Variants in RNF8 observed in about 807,000 individuals in gnomAD.
RNF8 encodes the protein ring finger protein 8.
RNF8 carries 8 observed loss-of-function variants against 59.3 expected under a neutral mutation model. The observed-to-expected ratio is 0.13, with a 90% CI of 0.08 to 0.24. The LOEUF is 0.24. RNF8 is among the 10% of genes least tolerant of loss of function. The pLI is 1.00. For synonymous variants in RNF8, 162 were observed against 200.0 expected (o/e 0.81, Z 1.60); for missense variants, 406 against 572.6 (o/e 0.71, Z 2.97).
chr6:37,368,359 T>G (rs1283160699), intron 2 of RNF8, 125 bp from the exon 3 acceptor site: 1 of 1,604,252 alleles, frequency 6.2e-7, no homozygotes, highest in Non-Finnish European at 8.5e-7. Flanking sequence ...TGAATCTTTC[T>G]TTTCTATTTG....
intron 7 of RNF8, among the ~76,000 whole-genome samples, chr6:37,385,328 C>T (rs1770451118): frequency 6.7e-6 from 1 of 149,758 alleles, no homozygotes; most frequent in African/African-American, 2.4e-5. Context: ...GATTTTTTTA[C>T]TTTAAACAAT....
Position 37,369,032 on chromosome 6 carries a change from G to T in RNF8, c.789G>T (p.Met263Ile). The change falls in exon 3 of 8, where the codon ATG (methionine) becomes ATT (isoleucine). Residue 263 changes from methionine (M) to isoleucine (I), a missense_variant. By Grantham distance (10) the Met-to-Ile change is conservative (BLOSUM62 1). This residue lies in a region of RNF8 where 285 missense variants were observed against 342.0 expected (regional missense o/e 0.83). Transcript: ENST00000373479. ...GGATTCTGAGGCTCAAAATACAGAT[G>T]CAGGAAAAACATGAAGCCGTTATGA... The part of the protein sequence containing the change: ...MSRILRLKIQ[M>I]QEKHEAVMNV... 1 of 1,614,186 alleles carries T rather than the reference G, an allele frequency of 6.2e-7. No individual in the cohort carries two copies. Among genetic ancestry groups the T allele is most frequent in the Non-Finnish European group, 8.5e-7 (1 of 1,180,040 alleles).
At chr6:37,375,360 T>A (rs1769970461) in intron 5 of RNF8, among the ~76,000 whole-genome samples, 1 of 152,220 alleles carries the variant, frequency 6.6e-6, no homozygotes, top group South Asian at 2.1e-4. Flanking sequence ...TCCAAATGTT[T>A]AAGTGAAATA....
chr6:37,379,620 C>T (rs1219809260), intron 6 of RNF8, among the ~76,000 whole-genome samples: 1 of 152,226 alleles, frequency 6.6e-6, no homozygotes, highest in Non-Finnish European at 1.5e-5. Context: ...CTTCCTTTTG[C>T]TTTCTCTCTT....
chr6:37,380,742 G>C (rs1283155318), intron 6 of RNF8, among the ~76,000 whole-genome samples: 2 of 151,640 alleles, frequency 1.3e-5, no homozygotes, highest in African/African-American at 2.4e-5. Flanking sequence ...GAGTGCAGTG[G>C]TGTGATTTTG....
Position 37,360,491 on chromosome 6 carries a change from A to G in RNF8, c.157A>G (p.Lys53Glu), listed in dbSNP as rs777216740. 3.1e-6 allele frequency: 5 copies of G among 1,614,016 alleles called. No individual in the cohort carries two copies. Among genetic ancestry groups the G allele is most frequent in the Non-Finnish European group, 4.2e-6 (5 of 1,180,004 alleles). Residue 53 changes from lysine to glutamate, a missense_variant, in exon 2 of 8, where the codon AAA (lysine) becomes GAA (glutamate). By Grantham distance (56) the Lys-to-Glu change is moderately conservative. This residue lies in a region of RNF8 where 62 missense variants were observed against 112.2 expected (regional missense o/e 0.55). Transcript: ENST00000373479. This position sits in a 1 kb window ranked among gnomAD's most constrained non-coding sequence, Gnocchi z 4.2. ...TGGTGTCACATACCAACTGGTATCA[A>G]AAATCTGCCCCCTGATGATTTCTCG... ...GFGVTYQLVSKICPLMISRNH... is the reference protein window; with the variant it reads ...GFGVTYQLVSEICPLMISRNH...
At chr6:37,376,821 A>G (rs993503746) in intron 5 of RNF8, 105 bp from the exon 6 acceptor site, 28 of 699,544 alleles carry the variant, frequency 4.0e-5, no homozygotes, top group Middle Eastern at 2.4e-4. Flanking sequence ...AGAATGAATC[A>G]CTCATTAAGA....
rs1012065548 is a variant in RNF8 at position 37,391,018 on chromosome 6, C to G, written c.*260C>G. The G allele has an allele frequency of 3.4e-6, 2 of 581,114 alleles. No individual in the cohort carries two copies. The highest frequency in any genetic ancestry group is 1.9e-5 in the African/African-American group (1 of 52,960). The allele number at this position is 581,114 out of a possible 1,614,324, so 36.0% of individuals were successfully genotyped here. ...TCGTAGACTCTGCCTCACTACATGT[C>G]GAAAGAGTTATTTGAGTTCTCTTCT... On this transcript the variant is annotated 3_prime_UTR_variant, in exon 8 of 8. Coordinates refer to ENST00000373479, the MANE Select transcript of RNF8 (RefSeq NM_003958.4).
At chr6:37,389,134 T>C (rs974149811) in intron 7 of RNF8, among the ~76,000 whole-genome samples, 2 of 152,188 alleles carry the variant, frequency 1.3e-5, no homozygotes, top group Non-Finnish European at 2.9e-5. Context: ...CCTTGTAGTA[T>C]TTTCAGGGCA....
At chr6:37,382,547 A>C (rs757559835) in intron 7 of RNF8, among the ~76,000 whole-genome samples, 5 of 152,084 alleles carry the variant, frequency 3.3e-5, no homozygotes, top group Non-Finnish European at 7.4e-5. Context: ...CTGGGAATCC[A>C]GATTTGGCCA....
intron 1 of RNF8, among the ~76,000 whole-genome samples, chr6:37,354,748 G>C (rs970211565): frequency 2.1e-4 from 30 of 144,340 alleles, no homozygotes; most frequent in Admixed American, 1.8e-3. Context: ...GCCAGATCCC[G>C]TTTAGGGCGC....
chr6:37,390,719 A>G (rs758129193), intron 7 of RNF8, 23 bp from the exon 8 acceptor site: 21 of 1,580,358 alleles, frequency 1.3e-5, no homozygotes, highest in African/African-American at 1.2e-4. Context: ...TCATTTATTT[A>G]TTTCTCTTCT....
At chr6:37,386,523 G>A (rs1388614292) in intron 7 of RNF8, among the ~76,000 whole-genome samples, 6 of 152,206 alleles carry the variant, frequency 3.9e-5, no homozygotes, top group African/African-American at 1.4e-4. Context: ...GGAAGATTGA[G>A]TTTGAGGGAA....
intron 2 of RNF8, among the ~76,000 whole-genome samples, chr6:37,368,050 A>G (rs1391390313): frequency 6.6e-6 from 1 of 152,186 alleles, no homozygotes; most frequent in East Asian, 1.9e-4. Flanking sequence ...CCAGTGCGTT[A>G]AGGAACCACA....
At chr6:37,359,377 G>C (rs1200065165) in intron 1 of RNF8, 1 of 260,540 alleles carries the variant, frequency 3.8e-6, no homozygotes, top group African/African-American at 2.2e-5. Context: ...TGTTTACTAG[G>C]TTTTCCTGAA....
chr6:37,381,868 G>A (rs1221536156), intron 7 of RNF8, among the ~76,000 whole-genome samples: 3 of 152,228 alleles, frequency 2.0e-5, no homozygotes, highest in Admixed American at 6.5e-5. Flanking sequence ...AGCAGGACGT[G>A]TGTCTGAGCC....
intron 4 of RNF8, 74 bp from the exon 5 acceptor site, chr6:37,374,546 A>G: frequency 9.2e-7 from 1 of 1,086,978 alleles, no homozygotes; most frequent in Non-Finnish European, 1.4e-6. Context: ...GAGGGAGAGA[A>G]CAGGCATGTT....
At chr6:37,386,274 C>T (rs1386370319) in intron 7 of RNF8, among the ~76,000 whole-genome samples, 1 of 149,756 alleles carries the variant, frequency 6.7e-6, no homozygotes, top group East Asian at 1.9e-4. Flanking sequence ...GGAGTAGCAA[C>T]CCAGGAAGAC....
At chr6:37,356,397 A>G (rs1017310496) in intron 1 of RNF8, among the ~76,000 whole-genome samples, 7 of 152,260 alleles carry the variant, frequency 4.6e-5, no homozygotes, top group African/African-American at 1.7e-4. Context: ...CGCTAATAAC[A>G]TAACAGCAAA....
Sources: allele counts gnomAD v4.1 joint callset (sites outside exome capture counted in the v4.1 genomes callset), GRCh38; gene constraint gnomAD v4.1.1; regional missense constraint gnomAD v4.1.1; non-coding constraint Gnocchi (gnomAD v3.1); transcripts MANE v1.5; gene names NCBI Gene and HGNC (gene_info 2026-07-23, HGNC 2026-07-21).